Variants in NBAS observed in about 807,000 individuals in gnomAD.
NBAS encodes the protein NBAS subunit of NRZ tethering complex.
NBAS carries 219 observed loss-of-function variants against 302.5 expected under a neutral mutation model. That is an observed-to-expected ratio of 0.72 (90% CI 0.65 to 0.81). The LOEUF (loss-of-function observed/expected upper bound fraction) is 0.81, where lower values mean the gene tolerates loss of function less well. Ranked by LOEUF, NBAS falls within the 30% of genes least tolerant of loss-of-function variation. The pLI, the probability that NBAS is intolerant of heterozygous loss-of-function variation, is 0.00. For synonymous variants in NBAS, 1,118 were observed against 1,021.6 expected (o/e 1.09, Z -1.80); for missense variants, 2,932 against 2,841.6 (o/e 1.03, Z -0.72).
At chr2:14,811,823 G>A in the NBAS span, among the ~76,000 whole-genome samples, 2 of 152,148 alleles carry the variant, frequency 1.3e-5, no homozygotes, top group Admixed American at 6.5e-5. Context: ...AAAGAGGTTA[G>A]CAGAATAGAA....
chr2:15,317,895 AAAC>A (rs938336003), intron 38 of NBAS, among the ~76,000 whole-genome samples: 14 of 152,236 alleles, frequency 9.2e-5, no homozygotes, highest in African/African-American at 3.4e-4. Flanking sequence ...GAAATACAGA[AAAC>A]ACCACAAAGA....
At chr2:15,527,372 T>C (rs1399830007) in intron 9 of NBAS, among the ~76,000 whole-genome samples, 1 of 152,200 alleles carries the variant, frequency 6.6e-6, no homozygotes, top group Non-Finnish European at 1.5e-5. Flanking sequence ...CATAACAAAA[T>C]ACCTGTGACT....
chr2:15,262,009 T>C (rs962571090), intron 44 of NBAS, among the ~76,000 whole-genome samples: 2 of 152,146 alleles, frequency 1.3e-5, no homozygotes, highest in Non-Finnish European at 2.9e-5. Context: ...AGTTAGATCA[T>C]CCAGGGCAAT....
intron 35 of NBAS, among the ~76,000 whole-genome samples, chr2:15,350,998 G>A (rs1673327604): frequency 6.6e-6 from 1 of 152,168 alleles, no homozygotes; most frequent in Non-Finnish European, 1.5e-5. Context: ...ATATGCCTGA[G>A]AGAACTGTTT....
chr2:14,984,965 A>G, the NBAS span, among the ~76,000 whole-genome samples: 49 of 152,134 alleles, frequency 3.2e-4, no homozygotes, highest in African/African-American at 1.1e-3. Flanking sequence ...GTCCCTGTGC[A>G]ATTAGGAAGG....
rs5829507 is a variant in NBAS, at chr2:15,518,129, GAAA to G, written c.747-6782_747-6780del. 2.9e-3 allele frequency among the ~76,000 whole-genome samples: 395 copies of G among 134,206 alleles called. 1 individual carries two copies. The highest frequency in any genetic ancestry group is 0.01 in the African/African-American group (375 of 37,008). The allele number at this position is 134,206 out of a possible 152,430, so 88.0% of individuals were successfully genotyped here. On this transcript the variant is annotated intron_variant, in intron 9 of 51. Transcript: ENST00000281513. ...TTTCTCTAGTTAATGAAGTCTAGGG[GAAA>G]AAAAAAAAAAAAAACAGTGAATTGG...
intron 48 of NBAS, among the ~76,000 whole-genome samples, chr2:15,204,683 A>G (rs1241139573): frequency 6.6e-6 from 1 of 152,356 alleles, no homozygotes; most frequent in East Asian, 1.9e-4. Flanking sequence ...ACAGCCATAA[A>G]AAAGGATGAG....
Position 15,418,153 on chromosome 2 carries a change from A to G in NBAS, c.2578-441T>C, listed in dbSNP as rs367946654. ...GAAGGTTTTACTTTTATATTCCTGT[A>G]TAGTATCTATCCTTTCACACTGCCT... On this transcript the variant is annotated intron_variant, in intron 23 of 51. Coordinates refer to ENST00000281513, the MANE Select transcript of NBAS (RefSeq NM_015909.4). 1.1e-4 allele frequency among the ~76,000 whole-genome samples: 17 copies of G among 152,334 alleles called. No homozygotes were observed. The South Asian group carries it at 2.1e-3, about 19-fold the overall frequency.
At chr2:15,305,066 T>A (rs899650248) in intron 40 of NBAS, among the ~76,000 whole-genome samples, 1 of 152,156 alleles carries the variant, frequency 6.6e-6, no homozygotes, top group Non-Finnish European at 1.5e-5. Flanking sequence ...AAAGCATGAC[T>A]GGTTTTGAAA....
At position 15,441,908 on chromosome 2, in the gene NBAS, GA is replaced by G. The variant is rs1477396335; in HGVS notation, c.2340-14115del. ...ACCAACAAAGATCAAAAGAGACAAA[GA>G]AGGCCATTACATAATAGTAAAGGGA... On this transcript the variant is annotated intron_variant, in intron 21 of 51. Transcript: ENST00000281513. Among the ~76,000 whole-genome samples the G allele has an allele frequency of 8.0e-4, 121 of 151,096 alleles. 1 individual carries two copies. The highest frequency in any genetic ancestry group is 2.5e-3 in the African/African-American group (103 of 41,070).
chr2:14,899,958 T>G, the NBAS span, among the ~76,000 whole-genome samples: 1 of 152,140 alleles, frequency 6.6e-6, no homozygotes, highest in African/African-American at 2.4e-5. Flanking sequence ...CATAGAATCT[T>G]TACTAAGACA....
the NBAS span, among the ~76,000 whole-genome samples, chr2:14,885,879 T>C: frequency 6.6e-6 from 1 of 152,182 alleles, no homozygotes; most frequent in Non-Finnish European, 1.5e-5. Flanking sequence ...TGACATGTGG[T>C]AATCCTAAAA....
At chr2:15,438,539 G>A (rs1423013581) in intron 21 of NBAS, among the ~76,000 whole-genome samples, 1 of 152,140 alleles carries the variant, frequency 6.6e-6, no homozygotes, top group Admixed American at 6.5e-5. Context: ...ATAGACAGCA[G>A]GACACCAGGC....
chr2:15,441,579 T>C (rs1253404558), intron 21 of NBAS, among the ~76,000 whole-genome samples: 1 of 149,694 alleles, frequency 6.7e-6, no homozygotes, highest in Non-Finnish European at 1.5e-5. Context: ...CCATCGAGAC[T>C]AGGAAGAAAC....
the NBAS span, among the ~76,000 whole-genome samples, chr2:15,001,231 A>G: frequency 2.0e-4 from 31 of 152,152 alleles, no homozygotes; most frequent in Non-Finnish European, 1.6e-4. Context: ...CTTCGCCAGG[A>G]TTTTCACATA....
At chr2:14,912,223 C>T in the NBAS span, among the ~76,000 whole-genome samples, 2 of 152,018 alleles carry the variant, frequency 1.3e-5, no homozygotes, top group African/African-American at 4.8e-5. Flanking sequence ...TGTCATTGAC[C>T]AAAACGTTAC....
At chr2:15,271,652 A>G (rs1669330960) in intron 44 of NBAS, among the ~76,000 whole-genome samples, 1 of 152,220 alleles carries the variant, frequency 6.6e-6, no homozygotes, top group Non-Finnish European at 1.5e-5. Context: ...TTTGCCATGC[A>G]TTTATCTATG....
chr2:14,988,494 A>G, the NBAS span, among the ~76,000 whole-genome samples: 1 of 152,206 alleles, frequency 6.6e-6, no homozygotes, highest in Non-Finnish European at 1.5e-5. Context: ...TGTGAGAAAA[A>G]TCAATTTCAG....
intron 6 of NBAS, among the ~76,000 whole-genome samples, chr2:15,544,484 T>C (rs1055080630): frequency 1.3e-5 from 2 of 152,046 alleles, no homozygotes; most frequent in African/African-American, 4.8e-5. Context: ...ATAAAAACAA[T>C]AGGCATAAAC....
Sources: allele counts gnomAD v4.1 joint callset (sites outside exome capture counted in the v4.1 genomes callset), GRCh38; gene constraint gnomAD v4.1.1; transcripts MANE v1.5; gene names NCBI Gene and HGNC (gene_info 2026-07-23, HGNC 2026-07-21).